The following NELL1 variants were observed in gnomAD, a reference collection of about 807,000 sequenced individuals.
NELL1 encodes the protein neural EGFL like 1.
A neutral mutation model predicts 107.4 loss-of-function variants in NELL1; 76 were observed. That is an observed-to-expected ratio of 0.71 (90% CI 0.59 to 0.86). The LOEUF is 0.86. Among genes scored for constraint, NELL1 ranks in the 40% least tolerant of loss-of-function variants. The pLI, the probability that NELL1 is intolerant of heterozygous loss-of-function variation, is 0.00. For missense variants in NELL1, 1,024 were observed against 1,005.5 expected, an observed-to-expected ratio of 1.02 and a Z score of -0.25; for synonymous variants, 353 against 341.2, an observed-to-expected ratio of 1.03 and a Z score of -0.38.
At chr11:20,727,902 C>G (rs1035684326) in intron 2 of NELL1, among the ~76,000 whole-genome samples, 1 of 152,170 alleles carries the variant, frequency 6.6e-6, no homozygotes, top group African/African-American at 2.4e-5. Flanking sequence ...AGTGATTGCA[C>G]TAATTTACAT....
intron 4 of NELL1, among the ~76,000 whole-genome samples, chr11:20,881,131 C>A (rs1849399919): frequency 1.3e-5 from 2 of 152,128 alleles, no homozygotes; most frequent in Admixed American, 1.3e-4. Flanking sequence ...CCTTTTCCTT[C>A]TGATAAGTAA....
At chr11:20,805,823 C>G (rs1224462026) in intron 3 of NELL1, among the ~76,000 whole-genome samples, 3 of 152,190 alleles carry the variant, frequency 2.0e-5, no homozygotes, top group Non-Finnish European at 4.4e-5. Flanking sequence ...TTAAGCTGAT[C>G]ACAACTTAAC....
intron 14 of NELL1, among the ~76,000 whole-genome samples, chr11:21,324,601 G>C (rs1223547836): frequency 1.3e-5 from 2 of 152,044 alleles, no homozygotes; most frequent in South Asian, 2.1e-4. Flanking sequence ...AGTGCCTGTA[G>C]GTTCCAGGCA....
chr11:21,266,207 G>A (rs1395998547), intron 14 of NELL1, among the ~76,000 whole-genome samples: 3 of 151,576 alleles, frequency 2.0e-5, no homozygotes, highest in South Asian at 2.1e-4. Flanking sequence ...TTTTTAACTC[G>A]GCTTAGAATG....
At chr11:21,555,832 A>T (rs746712180) in intron 16 of NELL1, among the ~76,000 whole-genome samples, 4 of 151,782 alleles carry the variant, frequency 2.6e-5, no homozygotes, top group Non-Finnish European at 4.4e-5. Flanking sequence ...ACGCTAATGG[A>T]TCTCTTCTGA....
intron 15 of NELL1, among the ~76,000 whole-genome samples, chr11:21,412,894 C>T (rs989484191): frequency 6.6e-6 from 1 of 152,082 alleles, no homozygotes; most frequent in Non-Finnish European, 1.5e-5. Context: ...CATTGCAACC[C>T]TTAGCCAACC....
chr11:21,438,159 C>T (rs1853178409), intron 15 of NELL1, among the ~76,000 whole-genome samples: 1 of 152,112 alleles, frequency 6.6e-6, no homozygotes. Context: ...TGTAGTGCCA[C>T]TCTATTGATA....
intron 14 of NELL1, among the ~76,000 whole-genome samples, chr11:21,283,060 G>T (rs979993378): frequency 6.6e-6 from 1 of 151,966 alleles, no homozygotes; most frequent in Non-Finnish European, 1.5e-5. Flanking sequence ...AGGTGGGGAT[G>T]GTTAATGGGT....
chr11:20,732,536 C>T (rs1255774053), intron 2 of NELL1, among the ~76,000 whole-genome samples: 1 of 152,002 alleles, frequency 6.6e-6, no homozygotes, highest in Admixed American at 6.6e-5. Flanking sequence ...GTGGTGAGTG[C>T]TGTTGGAGGT....
chr11:20,896,182 T>C (rs1442187448), intron 5 of NELL1, among the ~76,000 whole-genome samples: 1 of 152,168 alleles, frequency 6.6e-6, no homozygotes, highest in Non-Finnish European at 1.5e-5. Context: ...GTCATTCTTA[T>C]ACCTTTGTGC....
intron 4 of NELL1, among the ~76,000 whole-genome samples, chr11:20,853,910 G>C (rs1848834638): frequency 6.6e-6 from 1 of 152,118 alleles, no homozygotes; most frequent in Non-Finnish European, 1.5e-5. Context: ...AGTGGGGAAG[G>C]AAACACCTCC....
At chr11:20,855,341 G>C (rs944257343) in intron 4 of NELL1, among the ~76,000 whole-genome samples, 10 of 152,108 alleles carry the variant, frequency 6.6e-5, no homozygotes, top group African/African-American at 2.4e-5. Context: ...TTTGCAAATA[G>C]AAAGAACTGG....
chr11:20,870,345 A>G (rs1849173403), intron 4 of NELL1, among the ~76,000 whole-genome samples: 1 of 151,902 alleles, frequency 6.6e-6, no homozygotes, highest in African/African-American at 2.4e-5. Context: ...GAATTCTCTC[A>G]CCTTTTTAAT....
chr11:21,005,372 G>A (rs1377530693), intron 12 of NELL1, among the ~76,000 whole-genome samples: 1 of 152,180 alleles, frequency 6.6e-6, no homozygotes, highest in Non-Finnish European at 1.5e-5. Flanking sequence ...GCAACAGAGT[G>A]AATGTGGTTT....
chr11:20,932,638 TG>T (rs1850642155), intron 9 of NELL1, among the ~76,000 whole-genome samples: 1 of 152,146 alleles, frequency 6.6e-6, no homozygotes, highest in South Asian at 2.1e-4. Flanking sequence ...CAACTTTAAG[TG>T]GTAGGGTCCG....
At chr11:20,892,448 G>A (rs1849636012) in intron 5 of NELL1, among the ~76,000 whole-genome samples, 1 of 152,196 alleles carries the variant, frequency 6.6e-6, no homozygotes, top group Non-Finnish European at 1.5e-5. Context: ...CCTATGTGAG[G>A]CTGTGGAGAA....
chr11:21,282,440 A>G (rs1344926892), intron 14 of NELL1, among the ~76,000 whole-genome samples: 1 of 147,588 alleles, frequency 6.8e-6, no homozygotes, highest in African/African-American at 2.5e-5. Context: ...ACATCATACC[A>G]TGCACTCCAG....
intron 13 of NELL1, among the ~76,000 whole-genome samples, chr11:21,174,843 C>G (rs1013094062): frequency 4.6e-5 from 7 of 151,702 alleles, no homozygotes; most frequent in African/African-American, 1.7e-4. Context: ...TTCTGTCATT[C>G]CCTCTCCATA....
At chr11:21,208,593 A>G (rs976089545) in intron 13 of NELL1, among the ~76,000 whole-genome samples, 2 of 151,976 alleles carry the variant, frequency 1.3e-5, no homozygotes, top group Non-Finnish European at 2.9e-5. Flanking sequence ...CTGCACCTCT[A>G]TCCTTTCTTC....
Sources: allele counts gnomAD v4.1 joint callset (sites outside exome capture counted in the v4.1 genomes callset), GRCh38; gene constraint gnomAD v4.1.1; transcripts MANE v1.5; gene names NCBI Gene and HGNC (gene_info 2026-07-23, HGNC 2026-07-21).